The following PFKP variants were observed in gnomAD, a reference collection of about 807,000 sequenced individuals.
The protein encoded by PFKP is ATP-dependent 6-phosphofructokinase, platelet type.
PFKP carries 101 observed loss-of-function variants against 94.3 expected under a neutral mutation model. The ratio of observed to expected loss-of-function variants is 1.07; its 90% confidence interval spans 0.91 to 1.26. PFKP has a LOEUF of 1.26. PFKP is among the 50% of genes most tolerant of loss of function. The pLI, the probability that PFKP is intolerant of heterozygous loss-of-function variation, is 0.00. For synonymous variants in PFKP, 573 were observed against 432.6 expected (o/e 1.32, Z -4.03); for missense variants, 1,145 against 1,103.3 (o/e 1.04, Z -0.53).
rs558853962 is a variant in PFKP, at chr10:3,086,741, T to G, written c.186+4280T>G. ...GGGAGTGTGAGGGCCTAATCTTGGA[T>G]GCAGTCCCTGGCCCACTTTAATCTC... On this transcript the variant is annotated intron_variant, in intron 2 of 21. Transcript: ENST00000381125. Among the ~76,000 whole-genome samples, 28 of 152,308 alleles carry G rather than the reference T, an allele frequency of 1.8e-4. No individual in the cohort carries two copies. The South Asian group carries it at 4.3e-3, about 24-fold the overall frequency.
At chr10:3,076,754 T>G (rs1334236229) in intron 1 of PFKP, among the ~76,000 whole-genome samples, 1 of 152,004 alleles carries the variant, frequency 6.6e-6, no homozygotes, top group Admixed American at 6.6e-5. Flanking sequence ...AGCTGGACAG[T>G]GGGTTGGTGG....
chr10:3,101,783 C>T (rs1835018523), intron 4 of PFKP, among the ~76,000 whole-genome samples: 1 of 152,214 alleles, frequency 6.6e-6, no homozygotes, highest in Non-Finnish European at 1.5e-5. Context: ...ACACAGATAG[C>T]TTTATGGAAT....
rs913143771 is a variant in PFKP, at chr10:3,121,370, C to T, written c.1683+1326C>T. 5.3e-5 allele frequency among the ~76,000 whole-genome samples: 8 copies of T among 152,166 alleles called. No homozygotes were observed. In the East Asian group the frequency reaches 7.7e-4, roughly 15 times the overall value. The stretch of plus-strand genomic sequence containing the variant: ...TGAGCCTCTTTCACAGACTGGATTC[C>T]GTCATTGCTTTCACTGCTCTTTCGC... On this transcript the variant is annotated intron_variant, in intron 16 of 21. Coordinates refer to ENST00000381125, the MANE Select transcript of PFKP (RefSeq NM_002627.5).
chr10:3,120,203 T>A (rs532036348), intron 16 of PFKP, among the ~76,000 whole-genome samples, 159 bp downstream of exon 16: 1 of 152,264 alleles, frequency 6.6e-6, no homozygotes, highest in African/African-American at 2.4e-5. Flanking sequence ...GTTTTAAGAC[T>A]CTGAAAATTT....
intron 9 of PFKP, 141 bp downstream of exon 9, chr10:3,108,934 C>A: frequency 1.5e-6 from 1 of 674,420 alleles, no homozygotes; most frequent in Non-Finnish European, 2.7e-6. Context: ...CTTAACGATC[C>A]TTGAGACCTT....
In PFKP at chr10:3,136,427, GCTGTCTCCT is replaced by G; in HGVS notation, c.2226-20_2226-12del. 6.2e-7 allele frequency: 1 copy of G among 1,612,622 alleles called. No homozygotes were observed. Among genetic ancestry groups the G allele is most frequent in the Non-Finnish European group, 8.5e-7 (1 of 1,179,148 alleles). On this transcript the variant is annotated splice_polypyrimidine_tract_variant and intron_variant, in intron 21 of 21. Coordinates refer to ENST00000381125, the MANE Select transcript of PFKP (RefSeq NM_002627.5). Reference sequence around the variant, plus strand: ...CCCGCCAGTGACTGCAGGCCTCACTGCTGTCTCCTCTTACCTCCACAGGCACAGGATTCC... The same window carrying G: ...CCCGCCAGTGACTGCAGGCCTCACTGCTTACCTCCACAGGCACAGGATTCC...
At chr10:3,096,568 T>C (rs1273489627) in intron 2 of PFKP, among the ~76,000 whole-genome samples, 2 of 151,946 alleles carry the variant, frequency 1.3e-5, no homozygotes, top group African/African-American at 4.8e-5. Context: ...TCCTGAGATG[T>C]GGGCTTGGAG....
At chr10:3,079,033 G>A (rs963737083) in intron 1 of PFKP, among the ~76,000 whole-genome samples, 1 of 152,172 alleles carries the variant, frequency 6.6e-6, no homozygotes, top group African/African-American at 2.4e-5. Flanking sequence ...GAAACCCGGG[G>A]GCAGCCCAGC....
intron 16 of PFKP, among the ~76,000 whole-genome samples, chr10:3,126,394 T>G (rs1387320745): frequency 6.6e-6 from 1 of 152,206 alleles, no homozygotes; most frequent in African/African-American, 2.4e-5. Flanking sequence ...TGACCCCTGT[T>G]GGGTGAATGC....
intron 20 of PFKP, among the ~76,000 whole-genome samples, chr10:3,135,283 G>T (rs1839111316): frequency 6.6e-6 from 1 of 151,978 alleles, no homozygotes; most frequent in Non-Finnish European, 1.5e-5. Flanking sequence ...TTAGAAAAAT[G>T]ACAGTCTATA....
intron 10 of PFKP, among the ~76,000 whole-genome samples, chr10:3,110,162 G>T (rs1836032042): frequency 6.6e-6 from 1 of 152,106 alleles, no homozygotes; most frequent in Non-Finnish European, 1.5e-5. Flanking sequence ...CAGTAGTGGA[G>T]GTGGCTGTGG....
intron 2 of PFKP, among the ~76,000 whole-genome samples, chr10:3,082,765 C>T (rs959614328): frequency 6.6e-6 from 1 of 152,152 alleles, no homozygotes; most frequent in African/African-American, 2.4e-5. Context: ...GTTGTCCAGG[C>T]TGGAGTGCAG....
intron 4 of PFKP, among the ~76,000 whole-genome samples, chr10:3,102,835 G>A (rs549563272): frequency 3.9e-4 from 60 of 152,332 alleles, no homozygotes; most frequent in African/African-American, 1.3e-3. Flanking sequence ...GAACATCCTC[G>A]TAGGGGATGG....
chr10:3,116,105 A>AT (rs979174769), intron 13 of PFKP, among the ~76,000 whole-genome samples: 1 of 151,366 alleles, frequency 6.6e-6, no homozygotes, highest in Non-Finnish European at 1.5e-5. Context: ...ATGTGGGAAA[A>AT]AAAAGCCTGA....
intron 1 of PFKP, among the ~76,000 whole-genome samples, chr10:3,074,276 C>A (rs1411082997): frequency 6.6e-6 from 1 of 152,228 alleles, no homozygotes; most frequent in Non-Finnish European, 1.5e-5. Flanking sequence ...TACGACGTGC[C>A]TGTAGCCTGA....
At chr10:3,094,218 C>T (rs928885854) in intron 2 of PFKP, among the ~76,000 whole-genome samples, 2 of 152,266 alleles carry the variant, frequency 1.3e-5, no homozygotes. Flanking sequence ...GGAGGAAGGG[C>T]GACCGGCCTC....
Position 3,118,834 on chromosome 10 carries a change from A to G in PFKP, c.1495A>G (p.Ser499Gly). Residue 499 changes from serine (S) to glycine (G), a missense_variant, in exon 15 of 22, where the codon AGC becomes GGC. Transcript: ENST00000381125. The stretch of plus-strand genomic sequence containing the variant: ...GATCGCCACACAGATGCGCACGCAC[A>G]GCATCAACGCGCTGCTGATCATCGG... ...EEIATQMRTH[S>G]INALLIIGGF... 8.7e-6 allele frequency: 14 copies of G among 1,613,764 alleles called. No individual in the cohort carries two copies. The highest frequency in any genetic ancestry group is 1.2e-5 in the Non-Finnish European group (14 of 1,179,796).
At chr10:3,069,378 G>A (rs1359616365) in intron 1 of PFKP, 4 of 1,589,092 alleles carry the variant, frequency 2.5e-6, no homozygotes, top group Non-Finnish European at 3.4e-6. Flanking sequence ...AAACCGGCCC[G>A]GAGATGTGCG....
intron 13 of PFKP, among the ~76,000 whole-genome samples, chr10:3,116,221 C>A (rs984731316): frequency 6.6e-6 from 1 of 152,040 alleles, no homozygotes; most frequent in Non-Finnish European, 1.5e-5. Flanking sequence ...ACCTGGAGAT[C>A]CCCCTGCAGC....
Sources: gnomAD v4.1 joint callset for allele counts (sites outside exome capture counted in the v4.1 genomes callset) on GRCh38, gnomAD v4.1.1 for gene constraint, MANE v1.5 for transcripts, NCBI Gene and HGNC (gene_info 2026-07-23, HGNC 2026-07-21) for gene names.